ATG10: variants seen among roughly 807,000 people sequenced by gnomAD.
ATG10 encodes ubiquitin-like-conjugating enzyme ATG10.
In ATG10, 30 loss-of-function variants were observed where a neutral mutation model predicts 32.1. That is an observed-to-expected ratio of 0.94 (90% CI 0.70 to 1.27). The LOEUF is 1.27. Among genes scored for constraint, ATG10 ranks in the 50% most tolerant of loss-of-function variants. ATG10 has a pLI of 0.00. For synonymous variants in ATG10, 87 were observed against 91.5 expected, an observed-to-expected ratio of 0.95 and a Z score of 0.28; for missense variants, 233 against 262.3, an observed-to-expected ratio of 0.89 and a Z score of 0.77.
In ATG10 at chr5:82,196,485, A is replaced by C. The variant is rs537914151; in HGVS notation, c.453+17898A>C. ...CCTAAGGGCACAAAGATTAAACCCTATGTGGTCTTCTAAGAGTTTTATGGT... is the reference window on the plus strand; with the variant it reads ...CCTAAGGGCACAAAGATTAAACCCTCTGTGGTCTTCTAAGAGTTTTATGGT... On this transcript the variant is annotated intron_variant, in intron 5 of 7. Coordinates refer to ENST00000282185, the MANE Select transcript of ATG10 (RefSeq NM_031482.5). Among the ~76,000 whole-genome samples, 8 of 152,282 alleles carry C rather than the reference A, an allele frequency of 5.3e-5. No homozygotes were observed. In the South Asian group the frequency reaches 1.7e-3, roughly 32 times the overall value.
chr5:82,071,841 C>T (rs1009675816), intron 3 of ATG10, among the ~76,000 whole-genome samples: 1 of 152,118 alleles, frequency 6.6e-6, no homozygotes, highest in African/African-American at 2.4e-5. Flanking sequence ...TGCTTGTGTG[C>T]TGTTAGGTTC....
chr5:82,053,569 G>T (rs942048958), intron 2 of ATG10, among the ~76,000 whole-genome samples: 27 of 151,948 alleles, frequency 1.8e-4, no homozygotes, highest in Admixed American at 7.2e-4. Context: ...CATATTTGGG[G>T]TTTTTTTCTC....
At chr5:82,076,584 G>T (rs1764280811) in intron 3 of ATG10, among the ~76,000 whole-genome samples, 1 of 152,078 alleles carries the variant, frequency 6.6e-6, no homozygotes, top group African/African-American at 2.4e-5. Flanking sequence ...AAGCAAATGT[G>T]GTAATACTTT....
intron 2 of ATG10, among the ~76,000 whole-genome samples, chr5:82,050,034 A>G (rs780079262): frequency 6.6e-6 from 1 of 152,086 alleles, no homozygotes; most frequent in Non-Finnish European, 1.5e-5. Context: ...CTCTGACCCA[A>G]TTTTGTAATT....
chr5:81,998,526 C>T (rs1380365514), intron 2 of ATG10, among the ~76,000 whole-genome samples: 1 of 152,044 alleles, frequency 6.6e-6, no homozygotes, highest in African/African-American at 2.4e-5. Context: ...TTGATCAAAT[C>T]CACATATATC....
At chr5:81,975,678 C>T (rs1760850219) in intron 1 of ATG10, among the ~76,000 whole-genome samples, 1 of 148,802 alleles carries the variant, frequency 6.7e-6, no homozygotes, top group Admixed American at 6.6e-5. Context: ...TGAGACCCCC[C>T]TCTCAAAAAA....
At chr5:82,140,070 G>T (rs866810795) in intron 3 of ATG10, among the ~76,000 whole-genome samples, 3 of 139,694 alleles carry the variant, frequency 2.1e-5, no homozygotes, top group Non-Finnish European at 4.7e-5. Flanking sequence ...GGAGGTGGGA[G>T]GGTCAGCCCT....
intron 3 of ATG10, among the ~76,000 whole-genome samples, chr5:82,102,481 T>C (rs1765312141): frequency 6.6e-6 from 1 of 152,176 alleles, no homozygotes; most frequent in Admixed American, 6.5e-5. Flanking sequence ...ACAATAGTTA[T>C]TGAATGTCTA....
intron 2 of ATG10, among the ~76,000 whole-genome samples, chr5:82,033,791 CTA>C (rs1371340822): frequency 1.3e-5 from 2 of 150,872 alleles, no homozygotes; most frequent in Non-Finnish European, 3.0e-5. Context: ...TATGTTTGTA[CTA>C]TATGTGTATA....
chr5:81,989,922 T>C lies in ATG10; in HGVS notation c.108+2244T>C, dbSNP rs1461262708. Among the ~76,000 whole-genome samples the C allele has an allele frequency of 2.0e-5, 3 of 152,282 alleles. No homozygotes were observed. The East Asian group carries it at 5.8e-4, about 29-fold the overall frequency. On this transcript the variant is annotated intron_variant, in intron 2 of 7. Transcript: ENST00000282185. ...ATTTTTATTCATCTTATTTTTTCTA[T>C]GATTATTGCTGAGTTGAAACAACTG... is the stretch of plus-strand genomic sequence containing the variant.
chr5:82,095,884 T>C (rs1765040688), intron 3 of ATG10, among the ~76,000 whole-genome samples: 1 of 152,188 alleles, frequency 6.6e-6, no homozygotes, highest in African/African-American at 2.4e-5. Flanking sequence ...CAAGTTGTTA[T>C]TAGTAGGAAA....
At chr5:82,226,287 G>A (rs1379931586) in intron 5 of ATG10, among the ~76,000 whole-genome samples, 2 of 152,146 alleles carry the variant, frequency 1.3e-5, no homozygotes, top group Non-Finnish European at 2.9e-5. Flanking sequence ...TAGTTGTTAC[G>A]TTAAAGAGAG....
intron 2 of ATG10, among the ~76,000 whole-genome samples, chr5:81,993,364 T>TTTCTTTCTTTCCTTC (rs374179266): frequency 1.5e-4 from 5 of 34,188 alleles, no homozygotes; most frequent in Admixed American, 2.5e-4. Flanking sequence ...TCTTTCCTTC[T>TTTCTTTCTTTCCTTC]TTTCTTTTCT....
chr5:82,004,190 G>A (rs1475574088), intron 2 of ATG10, among the ~76,000 whole-genome samples: 1 of 152,028 alleles, frequency 6.6e-6, no homozygotes, highest in African/African-American at 2.4e-5. Context: ...AGCCCCTAAT[G>A]AAATGAATTA....
intron 2 of ATG10, among the ~76,000 whole-genome samples, chr5:82,017,151 ATC>A (rs1460170510): frequency 6.9e-6 from 1 of 144,120 alleles, no homozygotes; most frequent in Non-Finnish European, 1.5e-5. Context: ...TAAGTATTTT[ATC>A]TCTTTTTTTT....
chr5:82,143,146 A>G (rs1261579011), intron 3 of ATG10, among the ~76,000 whole-genome samples: 1 of 152,236 alleles, frequency 6.6e-6, no homozygotes, highest in Non-Finnish European at 1.5e-5. Flanking sequence ...AGGTGGAGCC[A>G]GTGCTGTGGG....
At chr5:82,097,030 C>T (rs564226235) in intron 3 of ATG10, among the ~76,000 whole-genome samples, 31 of 152,174 alleles carry the variant, frequency 2.0e-4, no homozygotes, top group African/African-American at 7.0e-4. Flanking sequence ...AATAATATAT[C>T]TAAATTAAGC....
Position 82,164,382 on chromosome 5 carries a change from T to G in ATG10, c.217-17T>G, listed in dbSNP as rs1743491029. ...TATTAAGAAACCCGTTTTCGTTTTG[T>G]TTTTGCTTTTTTTTAGGAGGCTTTC... On this transcript the variant is annotated splice_polypyrimidine_tract_variant and intron_variant, in intron 3 of 7. Coordinates refer to ENST00000282185, the MANE Select transcript of ATG10 (RefSeq NM_031482.5). 1 of 1,612,658 alleles carries G rather than the reference T, an allele frequency of 6.2e-7. No homozygotes were observed. The highest frequency in any genetic ancestry group is 8.5e-7 in the Non-Finnish European group (1 of 1,179,552).
rs1055009658 is a variant in ATG10 at position 82,104,433 on chromosome 5, C to CT, written c.216+45841dup. Among the ~76,000 whole-genome samples, 1,371 of 149,126 alleles carry CT rather than the reference C, an allele frequency of 9.2e-3. 16 individuals carry two copies. The highest frequency in any genetic ancestry group is 0.03 in the African/African-American group (1,230 of 40,654). ...TCAGTTTTTAGGTCATGCTAAAATA[C>CT]TTTTTTTTTTCAGTTTTAGATGAAA... On this transcript the variant is annotated intron_variant, in intron 3 of 7. Coordinates refer to ENST00000282185, the MANE Select transcript of ATG10 (RefSeq NM_031482.5).
Sources: allele counts gnomAD v4.1 joint callset (sites outside exome capture counted in the v4.1 genomes callset), GRCh38; gene constraint gnomAD v4.1.1; transcripts MANE v1.5; gene names NCBI Gene and HGNC (gene_info 2026-07-23, HGNC 2026-07-21).